IRAK2: variants seen among roughly 807,000 people sequenced by gnomAD.
IRAK2 encodes the protein interleukin-1 receptor-associated kinase-like 2.
Under a neutral mutation model 72.0 loss-of-function variants are expected in IRAK2, and 57 were observed. That is an observed-to-expected ratio of 0.79 (90% CI 0.64 to 0.99). The LOEUF (loss-of-function observed/expected upper bound fraction) is 0.99. IRAK2 is among the 50% of genes least tolerant of loss of function. IRAK2 has a pLI of 0.00. For synonymous variants in IRAK2, 293 were observed against 312.7 expected (o/e 0.94, Z 0.67); for missense variants, 790 against 794.4 (o/e 0.99, Z 0.07).
At chr3:10,239,429 C>T (rs1011925548) in intron 12 of IRAK2, among the ~76,000 whole-genome samples, 1 of 152,222 alleles carries the variant, frequency 6.6e-6, no homozygotes, top group Non-Finnish European at 1.5e-5. Flanking sequence ...ACAGTGCCGG[C>T]CAGGCGAGGT....
In IRAK2 at chr3:10,184,840, T is replaced by C. The variant is rs180754545; in HGVS notation, c.277+6820T>C. 1.4e-3 allele frequency among the ~76,000 whole-genome samples: 211 copies of C among 149,510 alleles called. 3 individuals are homozygous for C. In the South Asian group the frequency reaches 0.032, roughly 22 times the overall value. ...CGCCTCCCAGGTTCACGCCATTCTC[T>C]TGCCTCAGCCTCCCGAGTAGCTGGG... On this transcript the variant is annotated intron_variant, in intron 2 of 12. Coordinates refer to ENST00000256458, the MANE Select transcript of IRAK2 (RefSeq NM_001570.4).
intron 2 of IRAK2, among the ~76,000 whole-genome samples, chr3:10,179,047 G>C (rs1436184266): frequency 6.6e-6 from 1 of 152,082 alleles, no homozygotes; most frequent in Non-Finnish European, 1.5e-5. Context: ...GCCTCCCAAA[G>C]TGCTGGGATT....
At chr3:10,205,070 T>A (rs902166562) in intron 3 of IRAK2, among the ~76,000 whole-genome samples, 3 of 152,142 alleles carry the variant, frequency 2.0e-5, no homozygotes, top group African/African-American at 4.8e-5. Context: ...ACCCTCCATG[T>A]CCCCATCAGC....
At chr3:10,198,033 A>C (rs1658358682) in intron 2 of IRAK2, among the ~76,000 whole-genome samples, 1 of 151,200 alleles carries the variant, frequency 6.6e-6, no homozygotes, top group Non-Finnish European at 1.5e-5. Context: ...CCCTGTCTCT[A>C]CTAAAAATAG....
intron 3 of IRAK2, among the ~76,000 whole-genome samples, chr3:10,205,269 G>A (rs1254177287): frequency 2.6e-5 from 4 of 152,128 alleles, no homozygotes; most frequent in South Asian, 2.1e-4. Context: ...CCCTAGGCAC[G>A]AGGAGCCAAT....
intron 2 of IRAK2, among the ~76,000 whole-genome samples, chr3:10,196,057 T>G (rs1054580803): frequency 3.3e-5 from 5 of 152,224 alleles, no homozygotes; most frequent in Admixed American, 6.5e-5. Flanking sequence ...AGACCCGTGC[T>G]TGAATCAGCA....
At chr3:10,230,448 G>A (rs1306938703) in intron 10 of IRAK2, among the ~76,000 whole-genome samples, 2 of 151,988 alleles carry the variant, frequency 1.3e-5, no homozygotes, top group African/African-American at 2.4e-5. Context: ...TTAGCCTCCC[G>A]GGTAGCTGGG....
chr3:10,180,137 G>C (rs369477928), intron 2 of IRAK2, among the ~76,000 whole-genome samples: 4 of 152,146 alleles, frequency 2.6e-5, no homozygotes, highest in East Asian at 3.9e-4. Flanking sequence ...ATAAGTGCCT[G>C]ATGTTCAGCT....
At chr3:10,200,539 C>T in intron 3 of IRAK2, 24 bp downstream of exon 3, 1 of 1,534,344 alleles carries the variant, frequency 6.5e-7, no homozygotes. Context: ...AACTTTTTTA[C>T]TTAAAGCACT....
At chr3:10,235,619 G>A (rs929274088) in intron 11 of IRAK2, among the ~76,000 whole-genome samples, 19 of 152,096 alleles carry the variant, frequency 1.2e-4, no homozygotes, top group Non-Finnish European at 2.4e-4. Context: ...GGAGGTGCAG[G>A]CCCCCACCTG....
intron 10 of IRAK2, among the ~76,000 whole-genome samples, chr3:10,228,420 C>T (rs1200976951): frequency 6.6e-6 from 1 of 151,914 alleles, no homozygotes; most frequent in African/African-American, 2.4e-5. Context: ...CTGGGCAGCT[C>T]AGATGTGGTT....
intron 2 of IRAK2, among the ~76,000 whole-genome samples, chr3:10,186,670 T>G (rs1697078947): frequency 6.6e-6 from 1 of 151,604 alleles, no homozygotes; most frequent in African/African-American, 2.4e-5. Context: ...ATTAGAAAGG[T>G]TAGTACCACA....
Position 10,172,085 on chromosome 3 carries a change from A to C in IRAK2, c.95-5753A>C, listed in dbSNP as rs796298598. 4.6e-5 allele frequency among the ~76,000 whole-genome samples: 7 copies of C among 151,768 alleles called. 1 individual carries two copies. Among genetic ancestry groups the C allele is most frequent in the African/African-American group, 1.7e-4 (7 of 41,398 alleles). On this transcript the variant is annotated intron_variant, in intron 1 of 12. Coordinates refer to ENST00000256458, the MANE Select transcript of IRAK2 (RefSeq NM_001570.4). ...ACTCTGTCCCTACTAAAAATATGAA[A>C]ATTGGCCAGGTGCGGTGGCTCATGC... is the stretch of plus-strand genomic sequence containing the variant.
intron 3 of IRAK2, among the ~76,000 whole-genome samples, chr3:10,207,861 G>A (rs150915282): frequency 7.2e-5 from 11 of 152,136 alleles, no homozygotes; most frequent in Admixed American, 3.9e-4. Flanking sequence ...GCATCATGGC[G>A]CACGCCTATA....
chr3:10,229,758 G>A (rs1197705612), intron 10 of IRAK2, among the ~76,000 whole-genome samples: 3 of 152,038 alleles, frequency 2.0e-5, no homozygotes, highest in African/African-American at 7.2e-5. Context: ...GTTATTTCCA[G>A]GTTTTGGCAA....
Position 10,241,272 on chromosome 3 carries a change from G to A in IRAK2, c.1766-844G>A, listed in dbSNP as rs372926470. Among the ~76,000 whole-genome samples the A allele has an allele frequency of 2.4e-3, 81 of 34,044 alleles. 1 individual carries two copies. Among genetic ancestry groups the A allele is most frequent in the African/African-American group, 0.01 (77 of 7,342 alleles). The allele number at this position is 34,044 out of a possible 152,430, so 22.3% of individuals were successfully genotyped here. A position where few individuals can be genotyped will look rare whatever the true frequency, so the allele number is the denominator to read the frequency against. On this transcript the variant is annotated intron_variant, in intron 12 of 12. Transcript: ENST00000256458. ...CGAAAGATGCAAAAATTAGCCAGGTGTGGCCAGCCAGGCATGGTGACTCAC... is the reference window on the plus strand; with the variant it reads ...CGAAAGATGCAAAAATTAGCCAGGTATGGCCAGCCAGGCATGGTGACTCAC...
chr3:10,226,467 T>C, intron 10 of IRAK2, 34 bp downstream of exon 10: 3 of 1,578,122 alleles, frequency 1.9e-6, no homozygotes, highest in Non-Finnish European at 2.6e-6. Flanking sequence ...CTGGGAGGTA[T>C]ATTTGGGCCT....
At chr3:10,216,428 T>C (rs931213588) in intron 6 of IRAK2, among the ~76,000 whole-genome samples, 4 of 151,810 alleles carry the variant, frequency 2.6e-5, no homozygotes, top group African/African-American at 7.3e-5. Context: ...AGGAGCAACA[T>C]ACAAAACAAG....
intron 2 of IRAK2, among the ~76,000 whole-genome samples, chr3:10,198,495 A>T (rs1164708523): frequency 6.6e-6 from 1 of 152,254 alleles, no homozygotes; most frequent in African/African-American, 2.4e-5. Context: ...CAGTGAAACC[A>T]GTCCCAGGTT....
Sources: gnomAD v4.1 joint callset for allele counts (sites outside exome capture counted in the v4.1 genomes callset) on GRCh38, gnomAD v4.1.1 for gene constraint, MANE v1.5 for transcripts, NCBI Gene and HGNC (gene_info 2026-07-23, HGNC 2026-07-21) for gene names.